BMP8B: variants seen among roughly 807,000 people sequenced by gnomAD.
BMP8B encodes bone morphogenetic protein 8b.
A neutral mutation model predicts 30.3 loss-of-function variants in BMP8B; 17 were observed. The observed-to-expected ratio is 0.56, with a 90% CI of 0.38 to 0.84. BMP8B has a LOEUF of 0.84. Among genes scored for constraint, BMP8B ranks in the 40% least tolerant of loss-of-function variants. The pLI is 0.00. For missense variants in BMP8B, 253 were observed against 494.6 expected, an observed-to-expected ratio of 0.51 and a Z score of 4.63; for synonymous variants, 131 against 214.7, an observed-to-expected ratio of 0.61 and a Z score of 3.41.
chr1:39,769,165 C>T lies in BMP8B; in HGVS notation c.674-4348G>A, dbSNP rs144351066. Among the ~76,000 whole-genome samples, 24 of 150,264 alleles carry T rather than the reference C, an allele frequency of 1.6e-4. 1 individual carries two copies. Among genetic ancestry groups the T allele is most frequent in the Admixed American group, 1.3e-3 (20 of 15,130 alleles). On this transcript the variant is annotated intron_variant, in intron 3 of 6. Transcript: ENST00000372827. ...GCATTCCATTGCATTCCAGCCTGAGCGACAGAGCCAGACCCTGCCTCAAAA... is the reference window on the plus strand; with the variant it reads ...GCATTCCATTGCATTCCAGCCTGAGTGACAGAGCCAGACCCTGCCTCAAAA...
In BMP8B at chr1:39,759,842, G is replaced by C. The variant is rs1648696279; in HGVS notation, c.*577C>G. The C allele has an allele frequency of 6.5e-6, 1 of 152,742 alleles. No homozygotes were observed. The highest frequency in any genetic ancestry group is 6.5e-5 in the Admixed American group (1 of 15,332). The allele number at this position is 152,742 out of a possible 1,614,324, so 9.5% of individuals were successfully genotyped here. A position where few individuals can be genotyped will look rare whatever the true frequency, so the allele number is the denominator to read the frequency against. The stretch of plus-strand genomic sequence containing the variant: ...CATGCTGTTCACTCAGCTTTTTCTT[G>C]AGTTGACTCCACATGTCTACCTGTG... On this transcript the variant is annotated 3_prime_UTR_variant, in exon 7 of 7. Coordinates refer to ENST00000372827, the MANE Select transcript of BMP8B (RefSeq NM_001720.5).
chr1:39,761,659 T>C (rs577747193), intron 6 of BMP8B, among the ~76,000 whole-genome samples: 1 of 152,038 alleles, frequency 6.6e-6, no homozygotes, highest in Non-Finnish European at 1.5e-5. Context: ...CTGCTGGCCC[T>C]GAACCTGCCA....
chr1:39,778,151 C>T (rs561280263), intron 1 of BMP8B, among the ~76,000 whole-genome samples: 77 of 152,254 alleles, frequency 5.1e-4, no homozygotes, highest in Non-Finnish European at 9.4e-4. Flanking sequence ...CCAAGGGTCT[C>T]TTGTCCCCAG....
chr1:39,763,120 G>C lies in BMP8B; in HGVS notation c.1031C>G (p.Ala344Gly), dbSNP rs1009904734. ...CSFPLDSCMN[A>G]TNHAILQSLV... ...GGACTGCAGGATGGCGTGGTTGGTG[G>C]CATTCATGCAGGAGTCCAGTGGGAA... Residue 344 changes from alanine to glycine, a missense_variant, in exon 6 of 7, where the codon GCC becomes GGC. This residue lies in a region of BMP8B where 116 missense variants were observed against 142.3 expected (regional missense o/e 0.81). Transcript: ENST00000372827. 6.2e-7 allele frequency: 1 copy of C among 1,614,070 alleles called. No homozygotes were observed. The highest frequency in any genetic ancestry group is 2.2e-5 in the East Asian group (1 of 44,860).
chr1:39,784,185 A>C (rs1320187490), intron 1 of BMP8B, among the ~76,000 whole-genome samples: 1 of 152,196 alleles, frequency 6.6e-6, no homozygotes, highest in East Asian at 1.9e-4. Context: ...CCAATGAAGG[A>C]AGAGATGCAG....
At chr1:39,775,146 C>T (rs1650133324) in intron 1 of BMP8B, 108 bp from the exon 2 acceptor site, 11 of 1,519,506 alleles carry the variant, frequency 7.2e-6, no homozygotes, top group Admixed American at 5.8e-5. Flanking sequence ...CAAGGTGGAG[C>T]GGACCCAGGG....
chr1:39,770,468 T>A, intron 3 of BMP8B: 1 of 1,610,124 alleles, frequency 6.2e-7, no homozygotes, highest in Non-Finnish European at 8.5e-7. Context: ...TACATAAATG[T>A]TAGGAACGTG....
At position 39,759,094 on chromosome 1, in the gene BMP8B, G is replaced by C. The variant is rs1010037023; in HGVS notation, c.*1325C>G. ...GTCTATTCCAGCAGGTAAATTACAG[G>C]CTTAGCAAGTCAGAAATCAAATAAA... On this transcript the variant is annotated 3_prime_UTR_variant, in exon 7 of 7. Coordinates refer to ENST00000372827, the MANE Select transcript of BMP8B (RefSeq NM_001720.5). The C allele has an allele frequency of 6.6e-6, 1 of 152,272 alleles. No homozygotes were observed. Among genetic ancestry groups the C allele is most frequent in the Non-Finnish European group, 1.5e-5 (1 of 68,074 alleles). The allele number at this position is 152,272 out of a possible 1,614,324, so 9.4% of individuals were successfully genotyped here.
chr1:39,760,017 C>G lies in BMP8B; in HGVS notation c.*402G>C, dbSNP rs1274111600. The G allele has an allele frequency of 1.6e-5, 4 of 243,246 alleles. No homozygotes were observed. The highest frequency in any genetic ancestry group is 4.9e-5 in the Admixed American group (1 of 20,204). 15.1% of individuals were successfully genotyped at this position (243,246 alleles called of 1,614,324 possible). A position where few individuals can be genotyped will look rare whatever the true frequency, so the allele number is the denominator to read the frequency against. On this transcript the variant is annotated 3_prime_UTR_variant, in exon 7 of 7. Coordinates refer to ENST00000372827, the MANE Select transcript of BMP8B (RefSeq NM_001720.5). The stretch of plus-strand genomic sequence containing the variant: ...ACCCTGTGATGGATGGTGAAGAGCT[C>G]AAGGTGGCCAACAGTGGGCTCCAGG...
At chr1:39,762,324 C>G (rs1649105050) in intron 6 of BMP8B, 1 of 617,418 alleles carries the variant, frequency 1.6e-6, no homozygotes, top group Non-Finnish European at 2.6e-6. Context: ...ACAGGGTGAG[C>G]CACCGCACCT....
In BMP8B at chr1:39,779,469, G is replaced by A. The variant is rs1198560469; in HGVS notation, c.335-4431C>T. On this transcript the variant is annotated intron_variant, in intron 1 of 6. Coordinates refer to ENST00000372827, the MANE Select transcript of BMP8B (RefSeq NM_001720.5). Reference sequence around the variant, plus strand: ...GTTCAGAGGTTGCTGGGGAGGAGGAGAAAGAGGGGCTAGGTGAGCCCCTGC... The same window carrying A: ...GTTCAGAGGTTGCTGGGGAGGAGGAAAAAGAGGGGCTAGGTGAGCCCCTGC... 3.4e-4 allele frequency among the ~76,000 whole-genome samples: 51 copies of A among 152,216 alleles called. 1 individual carries two copies. Among genetic ancestry groups the A allele is most frequent in the Admixed American group, 1.3e-4 (2 of 15,280 alleles).
chr1:39,768,194 T>TG (rs1360564598), intron 3 of BMP8B, among the ~76,000 whole-genome samples: 1 of 150,898 alleles, frequency 6.6e-6, no homozygotes, highest in Non-Finnish European at 1.5e-5. Flanking sequence ...GTGGCCAGTT[T>TG]GGGCCTCCAT....
chr1:39,766,676 A>G, intron 3 of BMP8B, among the ~76,000 whole-genome samples: 1 of 143,114 alleles, frequency 7.0e-6, no homozygotes, highest in East Asian at 1.9e-4. Flanking sequence ...CATGGACAAG[A>G]GCTGCTGAGA....
chr1:39,784,752 G>A (rs1377993900), intron 1 of BMP8B, among the ~76,000 whole-genome samples: 1 of 117,536 alleles, frequency 8.5e-6, no homozygotes, highest in East Asian at 2.7e-4. Flanking sequence ...GCCAGGTCCC[G>A]AATTCCCACT....
intron 1 of BMP8B, among the ~76,000 whole-genome samples, chr1:39,777,607 T>C (rs1320865909): frequency 6.6e-6 from 1 of 152,216 alleles, no homozygotes; most frequent in African/African-American, 2.4e-5. Context: ...CTCTGGCTAT[T>C]TTTGTGCTCT....
intron 3 of BMP8B, chr1:39,770,809 G>A (rs1470738791): frequency 1.2e-6 from 1 of 801,670 alleles, no homozygotes. Flanking sequence ...GCACCCCGGC[G>A]CCCCCCGCGC....
chr1:39,781,983 C>G (rs1650666278), intron 1 of BMP8B, among the ~76,000 whole-genome samples: 1 of 151,954 alleles, frequency 6.6e-6, no homozygotes, highest in Non-Finnish European at 1.5e-5. Flanking sequence ...ATGATGAAAC[C>G]CCATCTCTAC....
At chr1:39,778,869 C>T (rs1244150610) in intron 1 of BMP8B, among the ~76,000 whole-genome samples, 1 of 152,306 alleles carries the variant, frequency 6.6e-6, no homozygotes, top group Non-Finnish European at 1.5e-5. Context: ...GGGCTGGGTG[C>T]ACCTCCCCAC....
At chr1:39,780,249 A>G (rs1309366731) in intron 1 of BMP8B, among the ~76,000 whole-genome samples, 3 of 152,188 alleles carry the variant, frequency 2.0e-5, no homozygotes, top group Non-Finnish European at 2.9e-5. Context: ...TGAAGGCGGC[A>G]CCATGACAAC....
Sources: allele counts gnomAD v4.1 joint callset (sites outside exome capture counted in the v4.1 genomes callset), GRCh38; gene constraint gnomAD v4.1.1; regional missense constraint gnomAD v4.1.1; transcripts MANE v1.5; gene names NCBI Gene and HGNC (gene_info 2026-07-23, HGNC 2026-07-21).